The following IL1RAPL1 variants were observed in gnomAD, a reference collection of about 807,000 sequenced individuals.
IL1RAPL1 encodes interleukin-1 receptor accessory protein-like 1.
IL1RAPL1 carries 3 observed loss-of-function variants against 48.4 expected under a neutral mutation model. That is an observed-to-expected ratio of 0.06 (90% CI 0.03 to 0.16). IL1RAPL1 has a LOEUF of 0.16. Among genes scored for constraint, IL1RAPL1 ranks in the 10% least tolerant of loss-of-function variants. IL1RAPL1 has a pLI of 1.00. For missense variants in IL1RAPL1, 349 were observed against 530.6 expected (o/e 0.66, Z 3.36); for synonymous variants, 185 against 187.7 (o/e 0.99, Z 0.12).
chrX:28,834,718 G>C (rs1921161304), intron 2 of IL1RAPL1, among the ~76,000 whole-genome samples: 1 of 111,371 alleles, frequency 9.0e-6, no homozygotes, highest in Admixed American at 9.6e-5. Context: ...TTGTAAAGTA[G>C]GTAAATTACC....
chrX:29,219,302 C>T (rs1050948764), intron 2 of IL1RAPL1, among the ~76,000 whole-genome samples: 4 of 111,358 alleles, frequency 3.6e-5, no homozygotes, highest in Admixed American at 9.6e-5. Flanking sequence ...TATGTATTCA[C>T]GTGAATATTC....
chrX:29,480,741 C>T (rs1935034014), intron 5 of IL1RAPL1, among the ~76,000 whole-genome samples: 1 of 110,782 alleles, frequency 9.0e-6, no homozygotes, highest in Non-Finnish European at 1.9e-5. Context: ...TTATTATCTC[C>T]TTTTTTCCAT....
At chrX:28,733,663 G>A (rs779450681) in intron 1 of IL1RAPL1, among the ~76,000 whole-genome samples, 27 of 111,244 alleles carry the variant, frequency 2.4e-4, no homozygotes, top group Admixed American at 7.7e-4. Context: ...GTCGACTCTC[G>A]TAGACTTCTC....
intron 3 of IL1RAPL1, among the ~76,000 whole-genome samples, chrX:29,337,490 C>G: frequency 9.0e-6 from 1 of 111,295 alleles, no homozygotes; most frequent in East Asian, 2.8e-4. Context: ...CGTCTTGCAG[C>G]TCATGACCCT....
At position 28,717,098 on chromosome X, in the gene IL1RAPL1, A is replaced by G. The variant is rs754151915; in HGVS notation, c.-24-72222A>G. Among the ~76,000 whole-genome samples the G allele has an allele frequency of 3.6e-5, 4 of 111,968 alleles. No individual in the cohort carries two copies. In the East Asian group the frequency reaches 8.5e-4, roughly 24 times the overall value. On this transcript the variant is annotated intron_variant, in intron 1 of 10. Coordinates refer to ENST00000378993, the MANE Select transcript of IL1RAPL1 (RefSeq NM_014271.4). The stretch of plus-strand genomic sequence containing the variant: ...TCGTGGAAGAGTGTGACAATTCCTC[A>G]AAGACCTAAAGACAGAAATACCATT...
chrX:28,825,507 T>C (rs989916714), intron 2 of IL1RAPL1, among the ~76,000 whole-genome samples: 8 of 111,498 alleles, frequency 7.2e-5, no homozygotes, highest in Non-Finnish European at 1.1e-4. Context: ...TTGACAGATA[T>C]GTAAATAACC....
intron 5 of IL1RAPL1, among the ~76,000 whole-genome samples, chrX:29,533,757 G>A (rs751060516): frequency 2.5e-4 from 28 of 111,645 alleles, no homozygotes; most frequent in African/African-American, 6.8e-4. Flanking sequence ...ACCAACACTC[G>A]TTTTCGTTTT....
rs761719819 is a variant in IL1RAPL1, at chrX:28,814,415, T to A, written c.82+24990T>A. On this transcript the variant is annotated intron_variant, in intron 2 of 10. Coordinates refer to ENST00000378993, the MANE Select transcript of IL1RAPL1 (RefSeq NM_014271.4). ...TGTGTGTGTGTAGTTTTTAAAAAACTGATTTCACAAGTTTTGCTTGTTTCA... is the reference window on the plus strand; with the variant it reads ...TGTGTGTGTGTAGTTTTTAAAAAACAGATTTCACAAGTTTTGCTTGTTTCA... 3.7e-5 allele frequency among the ~76,000 whole-genome samples: 4 copies of A among 107,177 alleles called. No individual in the cohort carries two copies. The South Asian group carries it at 1.2e-3, about 33-fold the overall frequency. 93.1% of individuals were successfully genotyped at this position (107,177 alleles called of 115,157 possible).
At chrX:28,756,840 C>T (rs1192230133) in intron 1 of IL1RAPL1, among the ~76,000 whole-genome samples, 1 of 111,676 alleles carries the variant, frequency 9.0e-6, no homozygotes, top group East Asian at 2.8e-4. Context: ...TAACTCTCAT[C>T]CCCTGTTAAG....
intron 3 of IL1RAPL1, among the ~76,000 whole-genome samples, chrX:29,381,519 A>G: frequency 1.0e-5 from 1 of 95,386 alleles, no homozygotes; most frequent in Non-Finnish European, 2.1e-5. Flanking sequence ...AAAAAAAAAA[A>G]AAAAAAAAAA....
chrX:29,633,987 A>C (rs1347130635), intron 5 of IL1RAPL1, among the ~76,000 whole-genome samples: 6 of 111,722 alleles, frequency 5.4e-5, no homozygotes, highest in Non-Finnish European at 1.1e-4. Flanking sequence ...TTAATCCACT[A>C]CAGTGTTCCT....
chrX:29,368,515 G>C (rs1272661075), intron 3 of IL1RAPL1, among the ~76,000 whole-genome samples: 1 of 111,222 alleles, frequency 9.0e-6, no homozygotes, highest in Admixed American at 9.5e-5. Flanking sequence ...TGGAGTAGCT[G>C]GGATCACAGG....
intron 6 of IL1RAPL1, among the ~76,000 whole-genome samples, chrX:29,809,536 G>A (rs1276037632): frequency 9.0e-6 from 1 of 111,318 alleles, no homozygotes; most frequent in Admixed American, 9.6e-5. Context: ...GTACGTAGGA[G>A]ACTTTATTCC....
intron 2 of IL1RAPL1, among the ~76,000 whole-genome samples, chrX:28,827,561 C>T (rs1452073527): frequency 9.0e-6 from 1 of 111,624 alleles, no homozygotes; most frequent in African/African-American, 3.2e-5. Flanking sequence ...AAAATTTGAA[C>T]AATTAAATTT....
intron 1 of IL1RAPL1, among the ~76,000 whole-genome samples, chrX:28,679,941 G>A (rs1026279817): frequency 2.7e-5 from 3 of 111,587 alleles, no homozygotes; most frequent in African/African-American, 9.8e-5. Context: ...GCTATTTGGA[G>A]TCTTTGTGGT....
intron 3 of IL1RAPL1, among the ~76,000 whole-genome samples, chrX:29,334,501 C>T (rs1456386936): frequency 3.6e-5 from 4 of 112,116 alleles, no homozygotes; most frequent in Non-Finnish European, 5.7e-5. Flanking sequence ...CGGGCGGAGA[C>T]GCTCCTCACT....
chrX:29,365,660 G>A (rs1933442937), intron 3 of IL1RAPL1, among the ~76,000 whole-genome samples: 1 of 108,956 alleles, frequency 9.2e-6, no homozygotes, highest in African/African-American at 3.3e-5. Flanking sequence ...TGTCCAGCCT[G>A]GGTGACCAAG....
At chrX:29,343,444 A>G (rs758475189) in intron 3 of IL1RAPL1, among the ~76,000 whole-genome samples, 124 of 111,301 alleles carry the variant, frequency 1.1e-3, no homozygotes, top group African/African-American at 3.8e-3. Context: ...CCTTGGGCTA[A>G]TGTAGATGAG....
At chrX:29,838,938 C>CA (rs1404111029) in intron 6 of IL1RAPL1, among the ~76,000 whole-genome samples, 1 of 111,851 alleles carries the variant, frequency 8.9e-6, no homozygotes, top group Non-Finnish European at 1.9e-5. Flanking sequence ...CTTCAGCTGG[C>CA]ATGGCTTGCC....
Sources: allele counts gnomAD v4.1 joint callset (sites outside exome capture counted in the v4.1 genomes callset), GRCh38; gene constraint gnomAD v4.1.1; transcripts MANE v1.5; gene names NCBI Gene and HGNC (gene_info 2026-07-23, HGNC 2026-07-21).